SLC28A1: variants seen among roughly 807,000 people sequenced by gnomAD.
The protein encoded by SLC28A1 is sodium/nucleoside cotransporter 1.
In SLC28A1, 64 loss-of-function variants were observed where a neutral mutation model predicts 74.8. The observed-to-expected ratio is 0.86, with a 90% CI of 0.70 to 1.05. SLC28A1 has a LOEUF of 1.05. Among genes scored for constraint, SLC28A1 ranks in the 50% least tolerant of loss-of-function variants. SLC28A1 has a pLI of 0.00. For synonymous variants in SLC28A1, 359 were observed against 335.0 expected (o/e 1.07, Z -0.78); for missense variants, 828 against 822.8 (o/e 1.01, Z -0.08).
In SLC28A1 at chr15:84,891,576, G is replaced by T. The variant is rs148992813; in HGVS notation, c.277+1042G>T. ...AGCCTGGAGACCAGCCACACAGAAG[G>T]GGTTGGCGGCAGCCAAAGGAGCAAG... On this transcript the variant is annotated intron_variant, in intron 5 of 18. Transcript: ENST00000394573. Among the ~76,000 whole-genome samples, 865 of 152,288 alleles carry T rather than the reference G, an allele frequency of 5.7e-3. 10 individuals are homozygous for T. Among genetic ancestry groups the T allele is most frequent in the South Asian group, 0.034 (163 of 4,824 alleles).
chr15:84,900,911 G>GAAGGAAGGAAGGAAGT (rs1178592160), intron 6 of SLC28A1, among the ~76,000 whole-genome samples: 3 of 121,954 alleles, frequency 2.5e-5, no homozygotes, highest in Non-Finnish European at 3.7e-5. Flanking sequence ...AGGAAGGAAG[G>GAAGGAAGGAAGGAAGT]AAGTTAGTTG....
At position 84,945,347 on chromosome 15, in the gene SLC28A1, G is replaced by A; in HGVS notation, c.*147G>A. On this transcript the variant is annotated 3_prime_UTR_variant, in exon 19 of 19. Transcript: ENST00000394573. Reference sequence around the variant, plus strand: ...ATCCCACAATTGGGAAGGGTTCATGGAGTGAGTGTGCAGAGAGTGAGTGAG... The same window carrying A: ...ATCCCACAATTGGGAAGGGTTCATGAAGTGAGTGTGCAGAGAGTGAGTGAG... 1.4e-6 allele frequency: 1 copy of A among 728,512 alleles called. No individual in the cohort carries two copies. Among genetic ancestry groups the A allele is most frequent in the Non-Finnish European group, 2.5e-6 (1 of 401,098 alleles). The allele number at this position is 728,512 out of a possible 1,614,324, so 45.1% of individuals were successfully genotyped here.
intron 9 of SLC28A1, among the ~76,000 whole-genome samples, chr15:84,909,851 T>C (rs1471171045): frequency 2.0e-5 from 3 of 152,258 alleles, no homozygotes; most frequent in South Asian, 4.1e-4. Flanking sequence ...CAAGACCCCA[T>C]GTGCAGGTTC....
Position 84,945,157 on chromosome 15 carries a change from A to G in SLC28A1, c.1907A>G (p.Asp636Gly). Residue 636 changes from aspartate (D) to glycine (G), a missense_variant, in exon 19 of 19, where the codon GAC becomes GGC. This residue lies in a region of SLC28A1 where 53 missense variants were observed against 44.5 expected (regional missense o/e 1.19). Transcript: ENST00000394573. The stretch of plus-strand genomic sequence containing the variant: ...CCAGAGTTCAGCCCAGAGGCCCTGG[A>G]CAACTGCTGTCGGTTTTACAACCAC... ...VNPEFSPEALDNCCRFYNHTI... is the reference protein window; with the variant it reads ...VNPEFSPEALGNCCRFYNHTI... 1 of 1,614,094 alleles carries G rather than the reference A, an allele frequency of 6.2e-7. No individual in the cohort carries two copies. The highest frequency in any genetic ancestry group is 2.2e-5 in the East Asian group (1 of 44,864).
At chr15:84,894,870 C>CG (rs969235297) in intron 5 of SLC28A1, 70 bp from the exon 6 acceptor site, 8 of 1,484,168 alleles carry the variant, frequency 5.4e-6, no homozygotes, top group Non-Finnish European at 1.9e-6. Flanking sequence ...GTGGAGTCCG[C>CG]GGGCGGGGCT....
rs192206722 is a variant in SLC28A1 at position 84,945,226 on chromosome 15, G to A, written c.*26G>A. On this transcript the variant is annotated 3_prime_UTR_variant, in exon 19 of 19. Transcript: ENST00000394573. ...GGACAGAACATGCTTGTGCTTCTGC[G>A]CTTCTGAGGGCTGTTCTCCCCCGGG... 17 of 1,603,514 alleles carry A rather than the reference G, an allele frequency of 1.1e-5. No individual in the cohort carries two copies. The East Asian group carries it at 1.6e-4, about 15-fold the overall frequency.
intron 15 of SLC28A1, among the ~76,000 whole-genome samples, chr15:84,938,685 C>T (rs550946509): frequency 1.0e-3 from 153 of 150,970 alleles, no homozygotes; most frequent in African/African-American, 3.6e-3. Context: ...AGGCAAAACA[C>T]AAGAAAGCAA....
the SLC28A1 span, among the ~76,000 whole-genome samples, chr15:84,951,565 C>T: frequency 6.6e-6 from 1 of 151,886 alleles, no homozygotes; most frequent in Non-Finnish European, 1.5e-5. Context: ...TTTGGGATCT[C>T]TTATATGAGC....
At chr15:84,952,423 C>T in the SLC28A1 span, among the ~76,000 whole-genome samples, 4 of 152,188 alleles carry the variant, frequency 2.6e-5, no homozygotes, top group East Asian at 1.9e-4. Context: ...CTCTCCTACA[C>T]GTCAGTAAAT....
the SLC28A1 span, among the ~76,000 whole-genome samples, chr15:84,959,009 A>G: frequency 6.7e-6 from 1 of 148,556 alleles, no homozygotes; most frequent in East Asian, 2.1e-4. Flanking sequence ...CTGAGGCAGG[A>G]GAATCGTTTG....
At chr15:84,907,817 G>A (rs926834438) in intron 8 of SLC28A1, among the ~76,000 whole-genome samples, 2 of 152,146 alleles carry the variant, frequency 1.3e-5, no homozygotes, top group Non-Finnish European at 2.9e-5. Context: ...GTCCAGGAAT[G>A]TGCACACCTG....
chr15:84,959,245 C>T, the SLC28A1 span, among the ~76,000 whole-genome samples: 1 of 152,072 alleles, frequency 6.6e-6, no homozygotes, highest in African/African-American at 2.4e-5. Flanking sequence ...GCTGGGATTA[C>T]AGGCCTTTGC....
rs1167523898 is a variant in SLC28A1 at position 84,884,763 on chromosome 15, G to A, written c.-133+12G>A. The A allele has an allele frequency of 1.0e-6, 1 of 984,872 alleles. No homozygotes were observed. Among genetic ancestry groups the A allele is most frequent in the Non-Finnish European group, 1.2e-6 (1 of 829,376 alleles). 61.0% of individuals were successfully genotyped at this position (984,872 alleles called of 1,614,324 possible). The stretch of plus-strand genomic sequence containing the variant: ...TGACAGAAACAAGGGTGAGAGAAAA[G>A]GACAGTAGGAGAGGAGGGAAGGCGG... On this transcript the variant is annotated intron_variant, in intron 1 of 18. Transcript: ENST00000394573.
At chr15:84,902,775 G>T (rs1966812366) in intron 6 of SLC28A1, among the ~76,000 whole-genome samples, 2 of 150,966 alleles carry the variant, frequency 1.3e-5, no homozygotes, top group Non-Finnish European at 2.9e-5. Context: ...TGTCACCCAG[G>T]CTGGAGTGCC....
chr15:84,933,281 C>T lies in SLC28A1; in HGVS notation c.1214+6C>T, dbSNP rs775684182. The T allele has an allele frequency of 2.5e-6, 4 of 1,612,374 alleles. No individual in the cohort carries two copies. The highest frequency in any genetic ancestry group is 3.4e-6 in the Non-Finnish European group (4 of 1,179,076). On this transcript the variant is annotated splice_donor_region_variant and intron_variant, in intron 13 of 18. Coordinates refer to ENST00000394573, the MANE Select transcript of SLC28A1 (RefSeq NM_004213.5). Reference sequence around the variant, plus strand: ...GGAGTGAAACTGACCTATGGGTGAGCACAGCAGGAGGTCCTGCAGACAGGG... The same window carrying T: ...GGAGTGAAACTGACCTATGGGTGAGTACAGCAGGAGGTCCTGCAGACAGGG...
intron 5 of SLC28A1, among the ~76,000 whole-genome samples, chr15:84,893,043 C>T (rs2141667639): frequency 6.6e-6 from 1 of 152,264 alleles, no homozygotes; most frequent in East Asian, 1.9e-4. Context: ...CCCCCTCTCC[C>T]TGAGTCCCCA....
chr15:84,933,178 A>G lies in SLC28A1; in HGVS notation c.1117A>G (p.Met373Val), dbSNP rs750340786. 12 of 1,613,642 alleles carry G rather than the reference A, an allele frequency of 7.4e-6. No individual in the cohort carries two copies. In the South Asian group the frequency reaches 1.1e-4, roughly 15 times the overall value. ...CACCTCGTTGATTGCAGCCTCTGTG[A>G]TGGCTGCCCCTTGTGCCTTGGCCCT... Reference protein sequence around the residue: ...DATSLIAASVMAAPCALALSK... With the variant: ...DATSLIAASVVAAPCALALSK... The change falls in exon 13 of 19, where the codon ATG becomes GTG. Residue 373 changes from methionine to valine, a missense_variant. By Grantham distance (21) the Met-to-Val change is conservative. Transcript: ENST00000394573.
rs1428698604 is a variant in SLC28A1 at position 84,888,860 on chromosome 15, G to T, written c.185G>T (p.Trp62Leu). The T allele has an allele frequency of 1.3e-6, 2 of 1,548,196 alleles. No individual in the cohort carries two copies. The highest frequency in any genetic ancestry group is 1.4e-5 in the African/African-American group (1 of 72,982). The change falls in exon 4 of 19, where the codon TGG (tryptophan) becomes TTG (leucine). Residue 62 changes from tryptophan to leucine, a missense_variant and splice_region_variant. Trp to Leu is a moderately conservative substitution (Grantham distance 61, BLOSUM62 -2). Transcript: ENST00000394573. ...SEAAPKPFSR[W>L]RNLQPALRAR... is the part of the protein sequence containing the mutation. ...GCGGCGCCGAAGCCCTTCTCCAGAT[G>T]GTAGGTGATCTCTGGAGAGACAAGG... is the stretch of plus-strand genomic sequence containing the variant.
intron 12 of SLC28A1, among the ~76,000 whole-genome samples, chr15:84,932,921 T>C (rs1053433605): frequency 2.6e-5 from 4 of 152,354 alleles, no homozygotes; most frequent in African/African-American, 7.2e-5. Flanking sequence ...TTGTCATTCC[T>C]AACTTAGGGA....
Sources: gnomAD v4.1 joint callset for allele counts (sites outside exome capture counted in the v4.1 genomes callset) on GRCh38, gnomAD v4.1.1 for gene constraint, gnomAD v4.1.1 regional missense constraint, MANE v1.5 for transcripts, NCBI Gene and HGNC (gene_info 2026-07-23, HGNC 2026-07-21) for gene names.